Variants in BRD10 observed in about 807,000 individuals in gnomAD.
The protein encoded by BRD10 is uncharacterized bromodomain-containing protein 10.
At chr9:5,926,785 CCTCCCAAAGTGG>C in the BRD10 span, among the ~76,000 whole-genome samples, 1 of 152,056 alleles carries the variant, frequency 6.6e-6, no homozygotes, top group Non-Finnish European at 1.5e-5. Context: ...CCTGCCTCGG[CCTCCCAAAGTGG>C]CTTTTAATTT....
the BRD10 span, among the ~76,000 whole-genome samples, chr9:5,940,355 TG>T: frequency 6.6e-6 from 1 of 151,980 alleles, no homozygotes; most frequent in Non-Finnish European, 1.5e-5. Context: ...CACTACAGCC[TG>T]GCTAATTTTT....
At chr9:5,911,312 A>T in the BRD10 span, among the ~76,000 whole-genome samples, 1 of 150,914 alleles carries the variant, frequency 6.6e-6, no homozygotes, top group Non-Finnish European at 1.5e-5. Flanking sequence ...CCTTTTCCCA[A>T]TGTATGTTCT....
chr9:5,912,048 G>A, the BRD10 span, among the ~76,000 whole-genome samples: 1 of 152,006 alleles, frequency 6.6e-6, no homozygotes, highest in African/African-American at 2.4e-5. Flanking sequence ...GTTTTTCTGT[G>A]TTCTCTTTGA....
chr9:6,005,935 G>T, the BRD10 span, among the ~76,000 whole-genome samples: 2 of 152,152 alleles, frequency 1.3e-5, no homozygotes, highest in African/African-American at 4.8e-5. Context: ...AACGAAGACA[G>T]GCACTATGTT....
At chr9:5,979,764 C>T in the BRD10 span, among the ~76,000 whole-genome samples, 2 of 151,734 alleles carry the variant, frequency 1.3e-5, no homozygotes, top group African/African-American at 4.8e-5. Flanking sequence ...ACCTATAATT[C>T]CAGCACTTTG....
chr9:5,997,613 C>A, the BRD10 span, among the ~76,000 whole-genome samples: 1 of 151,952 alleles, frequency 6.6e-6, no homozygotes, highest in East Asian at 1.9e-4. Context: ...CCAAATACAC[C>A]AATAATATAT....
At chr9:5,886,377 C>A in the BRD10 span, among the ~76,000 whole-genome samples, 1 of 152,242 alleles carries the variant, frequency 6.6e-6, no homozygotes, top group Non-Finnish European at 1.5e-5. Context: ...AGCTGCCTCA[C>A]AGTAACAGTT....
At chr9:5,898,528 A>G in the BRD10 span, among the ~76,000 whole-genome samples, 1 of 152,158 alleles carries the variant, frequency 6.6e-6, no homozygotes, top group South Asian at 2.1e-4. Context: ...GGACACATTC[A>G]AACTATAGCA....
the BRD10 span, among the ~76,000 whole-genome samples, chr9:5,926,520 C>A: frequency 1.3e-4 from 20 of 152,034 alleles, no homozygotes; most frequent in African/African-American, 4.8e-4. Flanking sequence ...ATTGCCCAGG[C>A]TTTAAATTTT....
the BRD10 span, among the ~76,000 whole-genome samples, chr9:5,992,861 T>A: frequency 6.6e-6 from 1 of 152,188 alleles, no homozygotes; most frequent in Non-Finnish European, 1.5e-5. Flanking sequence ...TTACTTATAG[T>A]TAACATACAA....
At chr9:5,968,961 A>G in the BRD10 span, 6 of 1,610,836 alleles carry the variant, frequency 3.7e-6, no homozygotes, top group Non-Finnish European at 5.1e-6. Context: ...ACTTTTTGGT[A>G]AAAAGGTAGT....
the BRD10 span, chr9:5,969,041 A>G: frequency 6.2e-7 from 1 of 1,612,522 alleles, no homozygotes; most frequent in South Asian, 1.1e-5. Flanking sequence ...ACACAACCCC[A>G]GTTTTTCAGC....
chr9:5,881,838 A>G, the BRD10 span, among the ~76,000 whole-genome samples: 1 of 152,220 alleles, frequency 6.6e-6, no homozygotes, highest in African/African-American at 2.4e-5. Context: ...GGAAGTCACT[A>G]GAGATGAGAT....
At chr9:6,008,344 G>C in the BRD10 span, 1 of 984,674 alleles carries the variant, frequency 1.0e-6, no homozygotes, top group Non-Finnish European at 1.2e-6. Context: ...CTGTCAGTTA[G>C]AAGCCCCGCT....
chr9:5,934,775 G>A, the BRD10 span, among the ~76,000 whole-genome samples: 2 of 152,006 alleles, frequency 1.3e-5, no homozygotes, highest in African/African-American at 4.8e-5. Flanking sequence ...GAGTTAGCTG[G>A]GCACTAAAAG....
the BRD10 span, chr9:5,929,153 A>G: frequency 6.6e-7 from 1 of 1,519,740 alleles, no homozygotes; most frequent in Admixed American, 1.7e-5. Context: ...CGATGATACC[A>G]TTTTCCCTAA....
chr9:6,000,318 C>A, the BRD10 span, among the ~76,000 whole-genome samples: 1 of 152,078 alleles, frequency 6.6e-6, no homozygotes, highest in African/African-American at 2.4e-5. Flanking sequence ...AAAGAAAAAA[C>A]TTCTGGTAAC....
the BRD10 span, among the ~76,000 whole-genome samples, chr9:5,953,801 T>C: frequency 1.3e-5 from 2 of 152,144 alleles, no homozygotes; most frequent in African/African-American, 4.8e-5. Flanking sequence ...AGGGTTTTTA[T>C]TATTAAAAGA....
At chr9:5,966,610 C>T in the BRD10 span, among the ~76,000 whole-genome samples, 1 of 151,720 alleles carries the variant, frequency 6.6e-6, no homozygotes, top group African/African-American at 2.4e-5. Context: ...TAGGCGCATG[C>T]CACCATGCCC....
Sources: allele counts gnomAD v4.1 joint callset (sites outside exome capture counted in the v4.1 genomes callset), GRCh38; gene constraint gnomAD v4.1.1; transcripts MANE v1.5; gene names NCBI Gene and HGNC (gene_info 2026-07-23, HGNC 2026-07-21).